Variants in ANKRD50 observed in about 807,000 individuals in gnomAD.
ANKRD50 encodes ankyrin repeat domain 50, also known as ankyrin repeat domain-containing protein 50.
In ANKRD50, 40 loss-of-function variants were observed where a neutral mutation model predicts 112.0. The observed-to-expected ratio is 0.36, with a 90% confidence interval of 0.28 to 0.46. The LOEUF (loss-of-function observed/expected upper bound fraction) is 0.46, where lower values mean the gene tolerates loss of function less well. ANKRD50 is among the 20% of genes least tolerant of loss of function. The pLI, the probability that ANKRD50 is intolerant of heterozygous loss-of-function variation, is 1.00. For synonymous variants in ANKRD50, 613 were observed against 619.1 expected (o/e 0.99, Z 0.15); for missense variants, 1,487 against 1,701.7 (o/e 0.87, Z 2.22).
At chr4:124,708,438 C>T (rs894143579) in intron 2 of ANKRD50, among the ~76,000 whole-genome samples, 7 of 152,064 alleles carry the variant, frequency 4.6e-5, no homozygotes, top group African/African-American at 1.7e-4. Context: ...AAAGAGTCTA[C>T]AAGAATATCA....
In ANKRD50 at chr4:124,670,162, C is replaced by G. The variant is rs748058628; in HGVS notation, c.3115G>C (p.Asp1039His). The G allele has an allele frequency of 1.2e-6, 2 of 1,612,272 alleles. No individual in the cohort carries two copies. The highest frequency in any genetic ancestry group is 1.7e-5 in the Admixed American group (1 of 59,516). The change falls in exon 4 of 5, where the codon GAC (aspartate) becomes CAC (histidine). Residue 1039 changes from aspartate (D) to histidine (H), a missense_variant. Physicochemically the swap from Asp to His is moderately conservative, Grantham distance 81 (BLOSUM62 -1). This residue lies in a region of ANKRD50 where 1,046 missense variants were observed against 1,269.5 expected (regional missense o/e 0.82). Coordinates refer to ENST00000504087, the MANE Select transcript of ANKRD50 (RefSeq NM_020337.3). ...QLLIEHGAVV[D>H]HTCNQGATAL... ...GTTGCACCTTGGTTACATGTATGGT[C>G]AACTACAGCACCATGCTCAATCAGA...
intron 2 of ANKRD50, among the ~76,000 whole-genome samples, chr4:124,706,723 T>C (rs1227596401): frequency 1.3e-5 from 2 of 152,078 alleles, no homozygotes; most frequent in African/African-American, 2.4e-5. Context: ...ATCCATTATA[T>C]GTTGAAAATA....
chr4:124,687,287 T>C (rs1329662803), intron 2 of ANKRD50, among the ~76,000 whole-genome samples: 5 of 152,258 alleles, frequency 3.3e-5, no homozygotes, highest in South Asian at 2.1e-4. Context: ...TTGTTTTTTT[T>C]CCAACAAATG....
In ANKRD50 at chr4:124,672,272, G is replaced by C; in HGVS notation, c.1005C>G (p.Leu335=). Residue 335 remains leucine, a synonymous_variant, in exon 4 of 5, where the codon CTC becomes CTG. Coordinates refer to ENST00000504087, the MANE Select transcript of ANKRD50 (RefSeq NM_020337.3). ...DIPGTLNGLY[L]WLCQRLFVRK... is the part of the protein sequence containing the mutation. ...TTACAAAAAGTCTTTGGCACAGCCA[G>C]AGATATAAACCATTTAGAGTTCCTG... 1.2e-6 allele frequency: 2 copies of C among 1,613,764 alleles called. No individual in the cohort carries two copies. Among genetic ancestry groups the C allele is most frequent in the East Asian group, 2.2e-5 (1 of 44,850 alleles).
At chr4:124,687,617 G>A (rs76795960) in intron 2 of ANKRD50, among the ~76,000 whole-genome samples, 9,494 of 152,154 alleles carry the variant, frequency 0.062, 390 homozygotes, top group East Asian at 0.14. Context: ...TATTCGTAAA[G>A]CAAATTTCTG....
At chr4:124,680,751 G>C (rs1450375888) in intron 2 of ANKRD50, among the ~76,000 whole-genome samples, 1 of 152,124 alleles carries the variant, frequency 6.6e-6, no homozygotes, top group Non-Finnish European at 1.5e-5. Context: ...GGGGAAGTGT[G>C]GGGGAGAGGT....
intron 2 of ANKRD50, among the ~76,000 whole-genome samples, chr4:124,709,412 A>G (rs112110900): frequency 2.6e-5 from 4 of 152,296 alleles, no homozygotes; most frequent in Non-Finnish European, 5.9e-5. Flanking sequence ...ACTAAAAGTA[A>G]AAGTAGTAAG....
At chr4:124,693,593 A>T (rs1216634701) in intron 2 of ANKRD50, among the ~76,000 whole-genome samples, 1 of 152,132 alleles carries the variant, frequency 6.6e-6, no homozygotes, top group Non-Finnish European at 1.5e-5. Context: ...TAAATGCAGA[A>T]TTATGATTTT....
intron 2 of ANKRD50, among the ~76,000 whole-genome samples, chr4:124,686,441 G>T (rs550341120): frequency 1.6e-4 from 24 of 152,282 alleles, no homozygotes; most frequent in Admixed American, 4.6e-4. Flanking sequence ...CCCCTTAGGG[G>T]TTTAAAAACT....
At chr4:124,701,255 G>A (rs1316886106) in intron 2 of ANKRD50, among the ~76,000 whole-genome samples, 1 of 151,966 alleles carries the variant, frequency 6.6e-6, no homozygotes, top group Non-Finnish European at 1.5e-5. Flanking sequence ...GAGCCACCAC[G>A]CCCCACCAAG....
chr4:124,672,148 T>G lies in ANKRD50; in HGVS notation c.1129A>C (p.Asn377His). The G allele has an allele frequency of 6.2e-7, 1 of 1,613,916 alleles. No individual in the cohort carries two copies. The highest frequency in any genetic ancestry group is 8.5e-7 in the Non-Finnish European group (1 of 1,179,856). Reference sequence around the variant, plus strand: ...AAATCTTCCAAAGTTAACGACATGTTTTTGGTCCATACTGCGTGATATAAT... The same window carrying G: ...AAATCTTCCAAAGTTAACGACATGTGTTTGGTCCATACTGCGTGATATAAT... ...TELYHAVWTK[N>H]MSLTLEDFQR... Residue 377 changes from asparagine to histidine, a missense_variant, in exon 4 of 5, where the codon AAC (asparagine) becomes CAC (histidine). Coordinates refer to ENST00000504087, the MANE Select transcript of ANKRD50 (RefSeq NM_020337.3).
intron 2 of ANKRD50, among the ~76,000 whole-genome samples, chr4:124,698,561 A>G (rs1281595228): frequency 6.6e-6 from 1 of 152,138 alleles, no homozygotes; most frequent in African/African-American, 2.4e-5. Flanking sequence ...AGTGTTTCTC[A>G]GAGTGTGGTA....
Position 124,670,474 on chromosome 4 carries a change from G to C in ANKRD50, c.2803C>G (p.His935Asp). Residue 935 changes from histidine to aspartate, a missense_variant, in exon 4 of 5, where the codon CAT becomes GAT. Physicochemically the swap from His to Asp is moderately conservative, Grantham distance 81. Around this residue, in one of 2 missense-constraint regions of ANKRD50, gnomAD observed 1,046 missense variants for 1,269.5 expected, o/e 0.82. Transcript: ENST00000504087. ...TCTTTGCAGTTAACATCAGCACCAT[G>C]GCTAAAAAGCAATTCAACAATGTCC... ...HRDIVELLFS[H>D]GADVNCKDAD... is the part of the protein sequence containing the mutation. 1 of 1,613,812 alleles carries C rather than the reference G, an allele frequency of 6.2e-7. No homozygotes were observed. The highest frequency in any genetic ancestry group is 8.5e-7 in the Non-Finnish European group (1 of 1,179,864).
chr4:124,705,252 T>C (rs886846013), intron 2 of ANKRD50, among the ~76,000 whole-genome samples: 1 of 152,236 alleles, frequency 6.6e-6, no homozygotes, highest in Non-Finnish European at 1.5e-5. Flanking sequence ...CAAATGTCAG[T>C]ATTTGGTCTC....
rs1730566692 is a variant in ANKRD50, at chr4:124,669,126, G to T, written c.4151C>A (p.Thr1384Lys). The T allele has an allele frequency of 2.5e-6, 4 of 1,613,546 alleles. No homozygotes were observed. In the East Asian group the frequency reaches 8.9e-5, roughly 36 times the overall value. The change falls in exon 4 of 5, where the codon ACA becomes AAA. Residue 1384 changes from threonine to lysine, a missense_variant. Thr to Lys is a moderately conservative substitution (Grantham distance 78). Around this residue, in one of 2 missense-constraint regions of ANKRD50, gnomAD observed 441 missense variants for 432.2 expected, o/e 1.02. Transcript: ENST00000504087. ...VFLGRVSVPR[T>K]MQDRGHQEVL... ...TTCCTGATGCCCTCTATCTTGCATTGTTCGTGGGACTGAAACCCTACCAAG... is the reference window on the plus strand; with the variant it reads ...TTCCTGATGCCCTCTATCTTGCATTTTTCGTGGGACTGAAACCCTACCAAG...
At position 124,665,011 on chromosome 4, in the gene ANKRD50, T is replaced by C. The variant is rs867681768; in HGVS notation, c.*2507A>G. On this transcript the variant is annotated 3_prime_UTR_variant, in exon 5 of 5. Transcript: ENST00000504087. The stretch of plus-strand genomic sequence containing the variant: ...AGCACATGCCATCATAGTTGTGTAG[T>C]GGCAACAGCTGATTTATAAAATTTA... 2 of 151,938 alleles carry C rather than the reference T, an allele frequency of 1.3e-5. No individual in the cohort carries two copies. Among genetic ancestry groups the C allele is most frequent in the Non-Finnish European group, 2.9e-5 (2 of 67,872 alleles). 9.4% of individuals were successfully genotyped at this position (151,938 alleles called of 1,614,324 possible). A position where few individuals can be genotyped will look rare whatever the true frequency, so the allele number is the denominator to read the frequency against.
In ANKRD50 at chr4:124,664,750, T is replaced by A. The variant is rs1011359527; in HGVS notation, c.*2768A>T. ...TGAGAAAAGTATTTACTTCTGTTTTTTAAGTATCAAACTATTTTTGGTGAG... is the reference window on the plus strand; with the variant it reads ...TGAGAAAAGTATTTACTTCTGTTTTATAAGTATCAAACTATTTTTGGTGAG... On this transcript the variant is annotated 3_prime_UTR_variant, in exon 5 of 5. Coordinates refer to ENST00000504087, the MANE Select transcript of ANKRD50 (RefSeq NM_020337.3). 1.3e-5 allele frequency: 2 copies of A among 152,120 alleles called. No individual in the cohort carries two copies. Among genetic ancestry groups the A allele is most frequent in the African/African-American group, 4.8e-5 (2 of 41,438 alleles). 9.4% of individuals were successfully genotyped at this position (152,120 alleles called of 1,614,324 possible). A position where few individuals can be genotyped will look rare whatever the true frequency, so the allele number is the denominator to read the frequency against.
At chr4:124,700,565 C>T (rs1022745334) in intron 2 of ANKRD50, among the ~76,000 whole-genome samples, 2 of 152,066 alleles carry the variant, frequency 1.3e-5, no homozygotes, top group Admixed American at 1.3e-4. Context: ...ATGTAGATGA[C>T]GAATGAAACT....
At chr4:124,708,113 T>C (rs1725546321) in intron 2 of ANKRD50, among the ~76,000 whole-genome samples, 1 of 152,244 alleles carries the variant, frequency 6.6e-6, no homozygotes, top group South Asian at 2.1e-4. Flanking sequence ...AAATTACTTA[T>C]CACAAAGAAA....
Sources: allele counts gnomAD v4.1 joint callset (sites outside exome capture counted in the v4.1 genomes callset), GRCh38; gene constraint gnomAD v4.1.1; regional missense constraint gnomAD v4.1.1; transcripts MANE v1.5; gene names NCBI Gene and HGNC (gene_info 2026-07-23, HGNC 2026-07-21).